The following LPP variants were observed in gnomAD, a reference collection of about 807,000 sequenced individuals.
LPP encodes the protein lipoma-preferred partner.
LPP carries 38 observed loss-of-function variants against 60.4 expected under a neutral mutation model. The observed-to-expected ratio is 0.63, with a 90% CI of 0.49 to 0.83. The LOEUF is 0.83. Ranked by LOEUF, LPP falls within the 40% of genes least tolerant of loss-of-function variation. The pLI is 0.00. For missense variants in LPP, 902 were observed against 783.6 expected, an observed-to-expected ratio of 1.15 and a Z score of -1.80; for synonymous variants, 328 against 290.8, an observed-to-expected ratio of 1.13 and a Z score of -1.30.
chr3:188,577,745 G>GTTCCTTCCTTCC (rs1337923679), intron 6 of LPP, among the ~76,000 whole-genome samples: 4,732 of 68,324 alleles, frequency 0.069, 251 homozygotes, highest in Middle Eastern at 0.16. Flanking sequence ...TCCTTCCTTT[G>GTTCCTTCCTTCC]TTCCTTCGTT....
At chr3:188,320,788 T>C (rs537819207) in intron 2 of LPP, among the ~76,000 whole-genome samples, 6 of 152,224 alleles carry the variant, frequency 3.9e-5, no homozygotes, top group Non-Finnish European at 8.8e-5. Flanking sequence ...TTTTACCTTC[T>C]CTGTGCTCTT....
intron 9 of LPP, among the ~76,000 whole-genome samples, chr3:188,812,240 T>A (rs1751207363): frequency 1.3e-5 from 2 of 152,234 alleles, no homozygotes; most frequent in African/African-American, 2.4e-5. Flanking sequence ...GCTTTTCCTC[T>A]GTGTGTTTCA....
At chr3:188,779,506 T>C (rs549140124) in intron 9 of LPP, among the ~76,000 whole-genome samples, 1 of 152,232 alleles carries the variant, frequency 6.6e-6, no homozygotes, top group South Asian at 2.1e-4. Context: ...TCTGCTTTCA[T>C]TTTGTGCCAA....
At chr3:188,422,251 A>G (rs957376523) in intron 4 of LPP, among the ~76,000 whole-genome samples, 3 of 152,130 alleles carry the variant, frequency 2.0e-5, no homozygotes, top group African/African-American at 7.2e-5. Flanking sequence ...AATCATCAGT[A>G]ATCGCTAAGT....
At position 188,158,782 on chromosome 3, in the gene LPP, T is replaced by C. The variant is rs139555439; in HGVS notation, c.-190+4530T>C. On this transcript the variant is annotated intron_variant, in intron 1 of 11. Transcript: ENST00000617246. ...CATTCAAACTTCTGCCTCATTCTTA[T>C]AGCCTCTTCACCACTCTTTTCTATG... is the stretch of plus-strand genomic sequence containing the variant. 5.9e-5 allele frequency among the ~76,000 whole-genome samples: 9 copies of C among 152,352 alleles called. 1 individual carries two copies. In the East Asian group the frequency reaches 1.5e-3, roughly 26 times the overall value.
At chr3:188,814,257 A>G (rs1751876358) in intron 9 of LPP, among the ~76,000 whole-genome samples, 1 of 152,188 alleles carries the variant, frequency 6.6e-6, no homozygotes, top group Non-Finnish European at 1.5e-5. Context: ...TTGCCCTAAA[A>G]TATACACTAA....
chr3:188,196,896 G>C (rs1341089330), intron 1 of LPP, among the ~76,000 whole-genome samples: 2 of 152,078 alleles, frequency 1.3e-5, no homozygotes, highest in Non-Finnish European at 2.9e-5. Flanking sequence ...CACTCTATCA[G>C]TCCTTTCAAG....
chr3:188,199,375 G>A (rs950729729), intron 1 of LPP, among the ~76,000 whole-genome samples: 1 of 152,188 alleles, frequency 6.6e-6, no homozygotes, highest in African/African-American at 2.4e-5. Flanking sequence ...TTCTGGAAGA[G>A]CATGTGGGAC....
intron 2 of LPP, among the ~76,000 whole-genome samples, chr3:188,232,504 A>ATTTTT (rs71634069): frequency 4.8e-5 from 5 of 103,232 alleles, no homozygotes; most frequent in Non-Finnish European, 7.6e-5. Context: ...ACACCCGGCT[A>ATTTTT]TTTTTTTTTT....
intron 6 of LPP, among the ~76,000 whole-genome samples, chr3:188,599,333 G>A (rs7633204): frequency 0.02 from 3,015 of 152,162 alleles, 97 homozygotes; most frequent in African/African-American, 0.07. Flanking sequence ...TTATGAAGAT[G>A]TGAGTGCAGG....
At position 188,524,917 on chromosome 3, in the gene LPP, T is replaced by A. The variant is rs144299808; in HGVS notation, c.429+130T>A. ...CGTCCGTCCTTCCTTCCTTCCTTCC[T>A]TCCTTCCTTCCTTCCTTCCTTCCTT... On this transcript the variant is annotated intron_variant, in intron 6 of 11. Transcript: ENST00000617246. 6.3e-4 allele frequency: 401 copies of A among 639,788 alleles called. 8 individuals carry two copies. The Middle Eastern group carries it at 0.014, about 23-fold the overall frequency. 39.6% of individuals were successfully genotyped at this position (639,788 alleles called of 1,614,324 possible). A position where few individuals can be genotyped will look rare whatever the true frequency, so the allele number is the denominator to read the frequency against.
rs142775240 is a variant in LPP, at chr3:188,612,952, C to T, written c.1113+3108C>T. On this transcript the variant is annotated intron_variant, in intron 7 of 11. Transcript: ENST00000617246. Reference sequence around the variant, plus strand: ...GGAAAAAATGAAGAAAGGAAAGAGGCAGAATGAGAACCTGCAAGGCTTAGG... The same window carrying T: ...GGAAAAAATGAAGAAAGGAAAGAGGTAGAATGAGAACCTGCAAGGCTTAGG... Among the ~76,000 whole-genome samples the T allele has an allele frequency of 1.2e-3, 178 of 152,054 alleles. 2 individuals are homozygous for T. Among genetic ancestry groups the T allele is most frequent in the African/African-American group, 4.0e-3 (164 of 41,476 alleles).
chr3:188,546,479 CAGT>C (rs572015299), intron 6 of LPP, among the ~76,000 whole-genome samples: 18 of 152,022 alleles, frequency 1.2e-4, no homozygotes, highest in Non-Finnish European at 1.2e-4. Flanking sequence ...GCTCCTGGAC[CAGT>C]TCTAGGAGAT....
At chr3:188,287,160 C>T (rs150062338) in intron 2 of LPP, among the ~76,000 whole-genome samples, 5,216 of 152,320 alleles carry the variant, frequency 0.034, 184 homozygotes, top group African/African-American at 0.086. Context: ...CTCGGCTTCC[C>T]GAAGTGCTGG....
chr3:188,281,213 T>TAA (rs879673762), intron 2 of LPP, among the ~76,000 whole-genome samples: 6 of 152,166 alleles, frequency 3.9e-5, no homozygotes, highest in Non-Finnish European at 8.8e-5. Context: ...GTAAAGCACA[T>TAA]AAAAGCCTTT....
Position 188,609,920 on chromosome 3 carries a change from T to C in LPP, c.1113+76T>C. The C allele has an allele frequency of 1.4e-6, 2 of 1,403,520 alleles. No individual in the cohort carries two copies. Among genetic ancestry groups the C allele is most frequent in the East Asian group, 4.6e-5 (2 of 43,298 alleles). The allele number at this position is 1,403,520 out of a possible 1,614,324, so 86.9% of individuals were successfully genotyped here. On this transcript the variant is annotated intron_variant, in intron 7 of 11. Transcript: ENST00000617246. The surrounding 1 kb of genome is among the most constrained non-coding windows in gnomAD (Gnocchi z 6.9). ...TCTGCCTTCCCCAGGAAGCGAAGCCTAAGGCAAAAGTGTGTGTGTTACTTT... is the reference window on the plus strand; with the variant it reads ...TCTGCCTTCCCCAGGAAGCGAAGCCCAAGGCAAAAGTGTGTGTGTTACTTT...
chr3:188,856,147 C>T (rs1394021414), intron 9 of LPP, among the ~76,000 whole-genome samples: 2 of 152,162 alleles, frequency 1.3e-5, no homozygotes, highest in African/African-American at 4.8e-5. Flanking sequence ...ATAACTGCCG[C>T]AAACTAGACA....
chr3:188,701,069 G>A (rs894319597), intron 7 of LPP, among the ~76,000 whole-genome samples: 1 of 152,158 alleles, frequency 6.6e-6, no homozygotes, highest in African/African-American at 2.4e-5. Context: ...GTATTTATGG[G>A]TTTCTATGTA....
At chr3:188,202,435 G>C (rs1334160231) in intron 1 of LPP, among the ~76,000 whole-genome samples, 1 of 152,222 alleles carries the variant, frequency 6.6e-6, no homozygotes, top group Non-Finnish European at 1.5e-5. Context: ...GTGAAAAAGA[G>C]AGATTCTTGC....
Sources: gnomAD v4.1 joint callset for allele counts (sites outside exome capture counted in the v4.1 genomes callset) on GRCh38, gnomAD v4.1.1 for gene constraint, Gnocchi (gnomAD v3.1) non-coding constraint, MANE v1.5 for transcripts, NCBI Gene and HGNC (gene_info 2026-07-23, HGNC 2026-07-21) for gene names.